The following BNC2 variants were observed in gnomAD, a reference collection of about 807,000 sequenced individuals.
BNC2 encodes the protein basonuclin zinc finger protein 2.
In BNC2, 20 loss-of-function variants were observed where a neutral mutation model predicts 76.3. That is an observed-to-expected ratio of 0.26 (90% CI 0.18 to 0.38). BNC2 has a LOEUF of 0.38. Ranked by LOEUF, BNC2 falls within the 10% of genes least tolerant of loss-of-function variation. BNC2 has a pLI of 1.00. For missense variants in BNC2, 1,382 were observed against 1,399.8 expected, an observed-to-expected ratio of 0.99 and a Z score of 0.20; for synonymous variants, 582 against 514.8, an observed-to-expected ratio of 1.13 and a Z score of -1.77.
At chr9:16,720,658 C>G (rs1049576941) in intron 3 of BNC2, among the ~76,000 whole-genome samples, 3 of 152,010 alleles carry the variant, frequency 2.0e-5, no homozygotes, top group Non-Finnish European at 4.4e-5. Context: ...TAAAGAAAAA[C>G]AAAAGGATAT....
chr9:16,554,416 C>T (rs1435730312), intron 4 of BNC2, among the ~76,000 whole-genome samples: 1 of 152,190 alleles, frequency 6.6e-6, no homozygotes, highest in Non-Finnish European at 1.5e-5. Flanking sequence ...TGGCTTCATT[C>T]AACACATTTA....
At chr9:16,855,972 C>G (rs1318040106) in intron 1 of BNC2, among the ~76,000 whole-genome samples, 1 of 152,070 alleles carries the variant, frequency 6.6e-6, no homozygotes, top group African/African-American at 2.4e-5. Flanking sequence ...AGATTTATTA[C>G]CTTAGCATAT....
At chr9:16,660,213 G>T (rs753144562) in intron 3 of BNC2, among the ~76,000 whole-genome samples, 2 of 152,166 alleles carry the variant, frequency 1.3e-5, no homozygotes, top group Non-Finnish European at 2.9e-5. Context: ...CCAGCACTTC[G>T]GGAGGCCGAG....
At chr9:16,857,549 C>A (rs1259507906) in intron 1 of BNC2, among the ~76,000 whole-genome samples, 1 of 150,268 alleles carries the variant, frequency 6.7e-6, no homozygotes, top group Non-Finnish European at 1.5e-5. Context: ...AGAATTGTTT[C>A]CCCTAGGGAA....
chr9:16,525,047 G>A (rs1440730720), intron 5 of BNC2, among the ~76,000 whole-genome samples: 1 of 150,278 alleles, frequency 6.7e-6, no homozygotes, highest in Non-Finnish European at 1.5e-5. Flanking sequence ...CACTCCAGCT[G>A]GGTGACAGAC....
At chr9:16,780,280 TAAA>T (rs1414690367) in intron 1 of BNC2, among the ~76,000 whole-genome samples, 1 of 72,360 alleles carries the variant, frequency 1.4e-5, no homozygotes, top group African/African-American at 4.9e-5. Context: ...CTGAAACTAA[TAAA>T]AACATCTTGG....
intron 5 of BNC2, among the ~76,000 whole-genome samples, chr9:16,535,557 T>C (rs1226849836): frequency 6.6e-6 from 1 of 152,128 alleles, no homozygotes; most frequent in Admixed American, 6.5e-5. Context: ...GCCATTACTC[T>C]TAAATGCCAG....
intron 5 of BNC2, among the ~76,000 whole-genome samples, chr9:16,507,772 A>AAAACACTT (rs1822663523): frequency 6.6e-6 from 1 of 152,180 alleles, no homozygotes. Context: ...CTCATATAGT[A>AAAACACTT]GGTCCATAAT....
intron 3 of BNC2, among the ~76,000 whole-genome samples, chr9:16,594,269 G>A (rs7470623): frequency 4.6e-5 from 7 of 152,054 alleles, no homozygotes; most frequent in South Asian, 4.2e-4. Flanking sequence ...CTTTGGTGAC[G>A]AAGCAAAGAT....
At chr9:16,757,753 C>T (rs1224737918) in intron 1 of BNC2, among the ~76,000 whole-genome samples, 1 of 150,266 alleles carries the variant, frequency 6.7e-6, no homozygotes, top group African/African-American at 2.4e-5. Flanking sequence ...TGCAAGGTCG[C>T]ATCAAGTTCG....
intron 3 of BNC2, among the ~76,000 whole-genome samples, chr9:16,606,747 G>A (rs965425554): frequency 3.9e-5 from 6 of 152,096 alleles, no homozygotes; most frequent in African/African-American, 1.2e-4. Flanking sequence ...TAGCAGAGAC[G>A]AGGTTTCGCC....
intron 1 of BNC2, among the ~76,000 whole-genome samples, chr9:16,868,362 C>A (rs1002113340): frequency 3.0e-4 from 46 of 152,206 alleles, no homozygotes; most frequent in African/African-American, 1.1e-3. Context: ...TAGCAATAGT[C>A]AGCTCTGCTT....
At chr9:16,740,570 CAAAG>C (rs753411231) in intron 1 of BNC2, among the ~76,000 whole-genome samples, 14 of 151,992 alleles carry the variant, frequency 9.2e-5, no homozygotes, top group Non-Finnish European at 1.8e-4. Flanking sequence ...ATTGTGAAGA[CAAAG>C]AAGCAGAAAA....
intron 3 of BNC2, among the ~76,000 whole-genome samples, chr9:16,662,911 C>T (rs1234740242): frequency 1.3e-5 from 2 of 152,056 alleles, no homozygotes; most frequent in African/African-American, 2.4e-5. Context: ...TTTAAAGTTG[C>T]TATTACCTGC....
intron 4 of BNC2, among the ~76,000 whole-genome samples, chr9:16,571,854 T>C (rs1819333372): frequency 6.6e-6 from 1 of 152,096 alleles, no homozygotes; most frequent in Non-Finnish European, 1.5e-5. Context: ...TAATAAAATA[T>C]GAAGAACTGC....
intron 1 of BNC2, among the ~76,000 whole-genome samples, chr9:16,765,126 C>T (rs186246683): frequency 2.6e-5 from 4 of 152,238 alleles, no homozygotes; most frequent in East Asian, 1.9e-4. Context: ...CACACTCTAT[C>T]GTACACAAAT....
chr9:16,483,340 T>C (rs1822098451), intron 5 of BNC2, among the ~76,000 whole-genome samples: 2 of 152,244 alleles, frequency 1.3e-5, no homozygotes, highest in African/African-American at 2.4e-5. Context: ...CATTATTTCA[T>C]TGCTCTCAAA....
At chr9:16,578,852 A>G (rs10810577) in intron 4 of BNC2, among the ~76,000 whole-genome samples, 4,783 of 152,296 alleles carry the variant, frequency 0.031, 299 homozygotes, top group East Asian at 0.22. Context: ...TAAAAAATAT[A>G]GTATTTATAG....
chr9:16,582,911 A>G, intron 4 of BNC2, 72 bp downstream of exon 4: 1 of 1,055,432 alleles, frequency 9.5e-7, no homozygotes, highest in African/African-American at 1.6e-5. Context: ...ACACACACAC[A>G]CACACACACA....
Sources: gnomAD v4.1 joint callset for allele counts (sites outside exome capture counted in the v4.1 genomes callset) on GRCh38, gnomAD v4.1.1 for gene constraint, MANE v1.5 for transcripts, NCBI Gene and HGNC (gene_info 2026-07-23, HGNC 2026-07-21) for gene names.